CSMD1: variants seen among roughly 807,000 people sequenced by gnomAD.
The protein encoded by CSMD1 is CUB and sushi domain-containing protein 1.
Under a neutral mutation model 417.5 loss-of-function variants are expected in CSMD1, and 213 were observed. The observed-to-expected ratio is 0.51, with a 90% confidence interval of 0.46 to 0.57. CSMD1 has a LOEUF of 0.57. Among genes scored for constraint, CSMD1 ranks in the 20% least tolerant of loss-of-function variants. The pLI is 0.00. For synonymous variants in CSMD1, 2,862 were observed against 1,736.8 expected, an observed-to-expected ratio of 1.65 and a Z score of -16.11; for missense variants, 6,923 against 4,529.7, an observed-to-expected ratio of 1.53 and a Z score of -15.17.
chr8:4,630,392 T>A (rs954457388), intron 2 of CSMD1, among the ~76,000 whole-genome samples: 14 of 152,060 alleles, frequency 9.2e-5, no homozygotes, highest in African/African-American at 3.4e-4. Flanking sequence ...GAGCCCAATC[T>A]CACCCTTGAA....
At chr8:4,154,121 A>C (rs1796707537) in intron 3 of CSMD1, among the ~76,000 whole-genome samples, 1 of 152,192 alleles carries the variant, frequency 6.6e-6, no homozygotes. Flanking sequence ...CTGGCTTCAC[A>C]ATCTGCGACA....
chr8:4,290,635 T>G (rs1349537494), intron 3 of CSMD1, among the ~76,000 whole-genome samples: 2 of 152,212 alleles, frequency 1.3e-5, no homozygotes, highest in African/African-American at 4.8e-5. Flanking sequence ...GAAAGATTCC[T>G]TGTGAGAAGT....
At chr8:3,605,502 G>A (rs1433813743) in intron 8 of CSMD1, among the ~76,000 whole-genome samples, 1 of 152,202 alleles carries the variant, frequency 6.6e-6, no homozygotes, top group Non-Finnish European at 1.5e-5. Flanking sequence ...TAAGATAACT[G>A]AATGTGGAAA....
chr8:2,965,257 A>G (rs1354013401), intron 59 of CSMD1, among the ~76,000 whole-genome samples: 16 of 152,280 alleles, frequency 1.1e-4, no homozygotes, highest in African/African-American at 3.6e-4. Context: ...GTCCAGTCAC[A>G]TAAGTCATAA....
chr8:3,074,069 G>A lies in CSMD1; in HGVS notation c.7474+13028C>T, dbSNP rs182946304. Among the ~76,000 whole-genome samples the A allele has an allele frequency of 2.0e-5, 3 of 152,352 alleles. No homozygotes were observed. The East Asian group carries it at 5.8e-4, about 29-fold the overall frequency. On this transcript the variant is annotated intron_variant, in intron 49 of 69. Coordinates refer to ENST00000635120, the MANE Select transcript of CSMD1 (RefSeq NM_033225.6). Reference sequence around the variant, plus strand: ...GCTTTCTCACCTGGAGGCGCGGGAAGAATCCACTTGGAAGATCACTCAAGT... The same window carrying A: ...GCTTTCTCACCTGGAGGCGCGGGAAAAATCCACTTGGAAGATCACTCAAGT...
At chr8:4,087,270 T>G (rs1362858544) in intron 3 of CSMD1, among the ~76,000 whole-genome samples, 5 of 152,172 alleles carry the variant, frequency 3.3e-5, no homozygotes, top group Non-Finnish European at 5.9e-5. Flanking sequence ...GTTCAACTTC[T>G]CTTGCTCACT....
At chr8:3,541,146 C>G (rs776991288) in intron 10 of CSMD1, among the ~76,000 whole-genome samples, 1 of 152,144 alleles carries the variant, frequency 6.6e-6, no homozygotes, top group East Asian at 1.9e-4. Flanking sequence ...CCATCAATGA[C>G]AGACTGGATA....
At chr8:4,053,587 C>G (rs529071090) in intron 3 of CSMD1, among the ~76,000 whole-genome samples, 1 of 152,268 alleles carries the variant, frequency 6.6e-6, no homozygotes, top group South Asian at 2.1e-4. Context: ...CACTCCTGCT[C>G]TTAGCAACCT....
chr8:3,264,714 T>A (rs998334431), intron 26 of CSMD1, among the ~76,000 whole-genome samples: 10 of 152,184 alleles, frequency 6.6e-5, no homozygotes, highest in Non-Finnish European at 1.2e-4. Flanking sequence ...CTTAATTAAC[T>A]AGGAAATGAT....
Position 4,444,187 on chromosome 8 carries a change from T to C in CSMD1, c.303-24122A>G, listed in dbSNP as rs113952541. Among the ~76,000 whole-genome samples, 722 of 151,136 alleles carry C rather than the reference T, an allele frequency of 4.8e-3. 7 individuals carry two copies. The highest frequency in any genetic ancestry group is 0.017 in the African/African-American group (683 of 41,170). On this transcript the variant is annotated intron_variant, in intron 2 of 69. Transcript: ENST00000635120. ...CAAAACCCTGTGCCTACTAAAAATATAAAAACTAGCCAGGCATGGTGGCAC... is the reference window on the plus strand; with the variant it reads ...CAAAACCCTGTGCCTACTAAAAATACAAAAACTAGCCAGGCATGGTGGCAC...
chr8:3,673,156 G>T (rs545140283), intron 7 of CSMD1, among the ~76,000 whole-genome samples: 1 of 152,194 alleles, frequency 6.6e-6, no homozygotes, highest in African/African-American at 2.4e-5. Flanking sequence ...AAACTCTGAT[G>T]CTATGTCATT....
intron 26 of CSMD1, among the ~76,000 whole-genome samples, 189 bp from the exon 27 acceptor site, chr8:3,230,420 G>A (rs112127498): frequency 6.6e-6 from 1 of 152,140 alleles, no homozygotes; most frequent in Non-Finnish European, 1.5e-5. Flanking sequence ...CATTGTGCTT[G>A]CATTGCATAA....
chr8:3,598,563 A>G (rs980634157), intron 8 of CSMD1, among the ~76,000 whole-genome samples: 1 of 152,044 alleles, frequency 6.6e-6, no homozygotes, highest in Non-Finnish European at 1.5e-5. Context: ...CGCTCTGTCT[A>G]CAACAGAGGA....
At chr8:4,143,400 G>A (rs1460710812) in intron 3 of CSMD1, among the ~76,000 whole-genome samples, 1 of 144,506 alleles carries the variant, frequency 6.9e-6, no homozygotes, top group African/African-American at 2.7e-5. Flanking sequence ...TACAGACTAA[G>A]TTAATTAGGT....
At chr8:3,350,707 T>A (rs940424370) in intron 21 of CSMD1, among the ~76,000 whole-genome samples, 1 of 152,156 alleles carries the variant, frequency 6.6e-6, no homozygotes, top group Non-Finnish European at 1.5e-5. Context: ...TTTAGGACAT[T>A]AGCTATATAA....
chr8:4,596,660 C>T (rs7014723), intron 2 of CSMD1, among the ~76,000 whole-genome samples: 4,337 of 152,194 alleles, frequency 0.028, 217 homozygotes, highest in African/African-American at 0.099. Flanking sequence ...TTTAATAGTA[C>T]GTTTGCTGTT....
At chr8:4,815,881 T>C (rs533866861) in intron 1 of CSMD1, among the ~76,000 whole-genome samples, 45 of 152,258 alleles carry the variant, frequency 3.0e-4, no homozygotes, top group African/African-American at 1.0e-3. Flanking sequence ...CTGCTTTGTG[T>C]GAATTGGTTA....
At chr8:3,822,393 G>C (rs1473338901) in intron 5 of CSMD1, among the ~76,000 whole-genome samples, 1 of 152,176 alleles carries the variant, frequency 6.6e-6, no homozygotes, top group Non-Finnish European at 1.5e-5. Flanking sequence ...GTAAAAAAGA[G>C]TCTGAAACCT....
chr8:4,299,488 A>C (rs1271525099), intron 3 of CSMD1, among the ~76,000 whole-genome samples: 1 of 152,226 alleles, frequency 6.6e-6, no homozygotes, highest in Non-Finnish European at 1.5e-5. Context: ...CTTACTCAAT[A>C]GCCATCATGT....
Sources: allele counts gnomAD v4.1 joint callset (sites outside exome capture counted in the v4.1 genomes callset), GRCh38; gene constraint gnomAD v4.1.1; transcripts MANE v1.5; gene names NCBI Gene and HGNC (gene_info 2026-07-23, HGNC 2026-07-21).